NIPAL2: variants seen among roughly 807,000 people sequenced by gnomAD.
NIPAL2 encodes the protein NIPA like domain containing 2, also known as NIPA-like protein 2.
A neutral mutation model predicts 48.9 loss-of-function variants in NIPAL2; 43 were observed. That is an observed-to-expected ratio of 0.88 (90% CI 0.69 to 1.13). The LOEUF is 1.13. NIPAL2 is among the 50% of genes most tolerant of loss of function. The pLI is 0.00. For missense variants in NIPAL2, 446 were observed against 461.4 expected, an observed-to-expected ratio of 0.97 and a Z score of 0.31; for synonymous variants, 167 against 174.6, an observed-to-expected ratio of 0.96 and a Z score of 0.34.
intron 1 of NIPAL2, among the ~76,000 whole-genome samples, chr8:98,260,634 A>G (rs1182317133): frequency 6.6e-6 from 1 of 152,160 alleles, no homozygotes; most frequent in Non-Finnish European, 1.5e-5. Flanking sequence ...TCCTACGCCC[A>G]CGGAGTCTCG....
At chr8:98,275,460 T>C (rs1042667151) in intron 1 of NIPAL2, among the ~76,000 whole-genome samples, 1 of 152,226 alleles carries the variant, frequency 6.6e-6, no homozygotes, top group African/African-American at 2.4e-5. Flanking sequence ...TGAGTAGTAT[T>C]CCATGGTATG....
chr8:98,195,967 GA>G lies in NIPAL2; in HGVS notation c.918del (p.Leu307SerfsTer80). The part of the protein sequence containing the change: ...IFYQEFLGAP[F>X]LTVFIYLFGC... ...CCAAAAAGATATATAAATACAGTGAGAAAAGGAGCACCAAGGAATTCCTGAT... is the reference window on the plus strand; with the variant it reads ...CCAAAAAGATATATAAATACAGTGAGAAAGGAGCACCAAGGAATTCCTGAT... On this transcript the variant is annotated frameshift_variant, in exon 9 of 11. Coordinates refer to ENST00000430223, the MANE Select transcript of NIPAL2 (RefSeq NM_001321635.2). LOFTEE classifies it high-confidence loss of function. 3 of 1,585,968 alleles carry G rather than the reference GA, an allele frequency of 1.9e-6. No homozygotes were observed. The highest frequency in any genetic ancestry group is 2.6e-6 in the Non-Finnish European group (3 of 1,159,096).
At chr8:98,196,913 G>A (rs1438191754) in intron 8 of NIPAL2, among the ~76,000 whole-genome samples, 1 of 152,170 alleles carries the variant, frequency 6.6e-6, no homozygotes, top group African/African-American at 2.4e-5. Context: ...AAGAAGCCAT[G>A]TCCAGTTCTA....
intron 3 of NIPAL2, 147 bp from the exon 4 acceptor site, chr8:98,236,361 G>A (rs1812715576): frequency 9.3e-6 from 5 of 537,286 alleles, no homozygotes; most frequent in South Asian, 2.5e-5. Context: ...CTATAAAAAG[G>A]CCTTTCTTCC....
intron 1 of NIPAL2, among the ~76,000 whole-genome samples, chr8:98,269,935 T>C (rs1815023457): frequency 6.6e-6 from 1 of 152,178 alleles, no homozygotes; most frequent in South Asian, 2.1e-4. Flanking sequence ...GAACATGCAG[T>C]ATTTGGTTTT....
At chr8:98,235,239 T>C (rs7841749) in intron 4 of NIPAL2, among the ~76,000 whole-genome samples, 41,725 of 152,012 alleles carry the variant, frequency 0.27, 5,913 homozygotes, top group African/African-American at 0.33. Flanking sequence ...TTATCATATG[T>C]CAGCAGCAAT....
At chr8:98,251,918 A>G (rs545332938) in intron 3 of NIPAL2, among the ~76,000 whole-genome samples, 2 of 152,298 alleles carry the variant, frequency 1.3e-5, no homozygotes, top group South Asian at 4.1e-4. Context: ...CATTTTTTTC[A>G]GTCTTTCACA....
At chr8:98,232,388 A>G (rs938693972) in intron 4 of NIPAL2, among the ~76,000 whole-genome samples, 4 of 152,236 alleles carry the variant, frequency 2.6e-5, no homozygotes, top group African/African-American at 9.6e-5. Context: ...GTTGTGGGAA[A>G]GGTTACCTGG....
chr8:98,205,055 GC>G, intron 7 of NIPAL2, 55 bp downstream of exon 7: 2 of 1,572,560 alleles, frequency 1.3e-6, no homozygotes, highest in Non-Finnish European at 1.7e-6. Flanking sequence ...AAAGATTAAT[GC>G]CCAGAGAAGC....
At chr8:98,247,560 A>G (rs909902679) in intron 3 of NIPAL2, among the ~76,000 whole-genome samples, 9 of 152,228 alleles carry the variant, frequency 5.9e-5, no homozygotes, top group Admixed American at 3.9e-4. Flanking sequence ...TGTATTTCTC[A>G]GCACAATTCT....
chr8:98,259,196 C>T (rs1039598803), intron 1 of NIPAL2, among the ~76,000 whole-genome samples: 25 of 149,322 alleles, frequency 1.7e-4, no homozygotes, highest in African/African-American at 5.9e-4. Context: ...CCTGCCTCAG[C>T]CTCCCGTGTA....
intron 4 of NIPAL2, 111 bp downstream of exon 4, chr8:98,236,044 C>A (rs1812693777): frequency 1.4e-6 from 1 of 733,880 alleles, no homozygotes; most frequent in South Asian, 1.6e-5. Context: ...GAGACTTACA[C>A]CCATTTCAGT....
At chr8:98,217,295 C>T (rs974273164) in intron 5 of NIPAL2, 52 of 985,062 alleles carry the variant, frequency 5.3e-5, no homozygotes, top group Middle Eastern at 5.2e-4. Context: ...GTCTGGGGCA[C>T]GCAAACACAC....
intron 3 of NIPAL2, among the ~76,000 whole-genome samples, chr8:98,251,032 C>A (rs1042177730): frequency 2.0e-5 from 3 of 152,022 alleles, no homozygotes; most frequent in Non-Finnish European, 4.4e-5. Flanking sequence ...AGGTAGCACC[C>A]TTTTTCTTAT....
At chr8:98,241,109 T>C (rs942145697) in intron 3 of NIPAL2, among the ~76,000 whole-genome samples, 13 of 152,214 alleles carry the variant, frequency 8.5e-5, no homozygotes, top group African/African-American at 3.1e-4. Flanking sequence ...AGGTCCTCTG[T>C]TTTCCAAGAT....
At position 98,252,494 on chromosome 8, in the gene NIPAL2, C is replaced by T. The variant is rs1161142564; in HGVS notation, c.345G>A (p.Leu115=). ...CAGACACACAGCCTAACGGAGCGAT[C>T]AGAGTAATGGGAGCAAATCCATAGG... is the stretch of plus-strand genomic sequence containing the variant. The part of the protein sequence containing the change: ...FAAYGFAPIT[L]IAPLGCVSVT... The change falls in exon 3 of 11, where the codon CTG becomes CTA. Residue 115 remains leucine (L), a synonymous_variant. Transcript: ENST00000430223. The T allele has an allele frequency of 1.9e-6, 3 of 1,613,288 alleles. No individual in the cohort carries two copies. The highest frequency in any genetic ancestry group is 1.7e-4 in the Middle Eastern group (1 of 6,050).
At chr8:98,263,511 A>G (rs899764136) in intron 1 of NIPAL2, among the ~76,000 whole-genome samples, 33 of 151,322 alleles carry the variant, frequency 2.2e-4, no homozygotes, top group African/African-American at 7.8e-4. Flanking sequence ...CTCTATGCAA[A>G]TAAACTAGAA....
chr8:98,249,469 T>G (rs544418326), intron 3 of NIPAL2, among the ~76,000 whole-genome samples: 1 of 151,894 alleles, frequency 6.6e-6, no homozygotes, highest in South Asian at 2.1e-4. Flanking sequence ...ATGACTAGTA[T>G]ATGTCAGACA....
chr8:98,198,999 C>T (rs1009785906), intron 8 of NIPAL2, among the ~76,000 whole-genome samples: 4 of 150,620 alleles, frequency 2.7e-5, no homozygotes, highest in Admixed American at 6.6e-5. Flanking sequence ...TCTTGTTGCC[C>T]AGGCTGGAGT....
Sources: gnomAD v4.1 joint callset for allele counts (sites outside exome capture counted in the v4.1 genomes callset) on GRCh38, gnomAD v4.1.1 for gene constraint, MANE v1.5 for transcripts, NCBI Gene and HGNC (gene_info 2026-07-23, HGNC 2026-07-21) for gene names.